Variants in SLC25A16 observed in about 807,000 individuals in gnomAD.
The protein encoded by SLC25A16 is mitochondrial coenzyme A transporter SLC25A16.
In SLC25A16, 39 loss-of-function variants were observed where a neutral mutation model predicts 41.5. The ratio of observed to expected loss-of-function variants is 0.94; its 90% confidence interval spans 0.73 to 1.23. SLC25A16 has a LOEUF of 1.23. SLC25A16 is among the 50% of genes most tolerant of loss of function. The pLI, the probability that SLC25A16 is intolerant of heterozygous loss-of-function variation, is 0.00. For missense variants in SLC25A16, 421 were observed against 426.9 expected, an observed-to-expected ratio of 0.99 and a Z score of 0.12; for synonymous variants, 146 against 147.8, an observed-to-expected ratio of 0.99 and a Z score of 0.09.
At chr10:68,494,852 C>A (rs1338801083) in intron 4 of SLC25A16, among the ~76,000 whole-genome samples, 12 of 149,648 alleles carry the variant, frequency 8.0e-5, no homozygotes, top group Non-Finnish European at 1.2e-4. Context: ...GCACTCCAGC[C>A]CGGGCGACAA....
intron 2 of SLC25A16, among the ~76,000 whole-genome samples, chr10:68,509,764 T>TAGATATAG (rs2053028063): frequency 6.7e-6 from 1 of 148,622 alleles, no homozygotes; most frequent in South Asian, 2.1e-4. Flanking sequence ...GATATATAGA[T>TAGATATAG]ATAGATAGAT....
At chr10:68,511,477 T>A (rs796263390) in intron 2 of SLC25A16, among the ~76,000 whole-genome samples, 3 of 152,202 alleles carry the variant, frequency 2.0e-5, no homozygotes, top group African/African-American at 7.2e-5. Flanking sequence ...ATGTGTAACC[T>A]AATGATTGCA....
intron 8 of SLC25A16, among the ~76,000 whole-genome samples, chr10:68,486,306 G>A (rs2052562700): frequency 6.6e-6 from 1 of 151,456 alleles, no homozygotes; most frequent in Non-Finnish European, 1.5e-5. Flanking sequence ...TGTTGCCTGG[G>A]CTGGTCTTGG....
intron 4 of SLC25A16, among the ~76,000 whole-genome samples, 196 bp downstream of exon 4, chr10:68,503,435 TG>T: frequency 6.6e-6 from 1 of 152,302 alleles, no homozygotes; most frequent in Middle Eastern, 3.4e-3. Flanking sequence ...AAACAACAAA[TG>T]TGTGCTACTA....
chr10:68,514,700 A>G (rs532428473), intron 2 of SLC25A16, among the ~76,000 whole-genome samples: 1 of 152,206 alleles, frequency 6.6e-6, no homozygotes, highest in East Asian at 1.9e-4. Context: ...TGAAGTGTCC[A>G]TGTTAATCAA....
chr10:68,485,798 A>AT (rs574917604), intron 8 of SLC25A16, among the ~76,000 whole-genome samples: 3,585 of 123,218 alleles, frequency 0.029, 133 homozygotes, highest in African/African-American at 0.078. Context: ...CCTAAGCAAT[A>AT]TTTTTTTTTT....
At position 68,488,561 on chromosome 10, in the gene SLC25A16, T is replaced by C. The variant is rs758608501; in HGVS notation, c.679A>G (p.Arg227Gly). 6 of 1,603,804 alleles carry C rather than the reference T, an allele frequency of 3.7e-6. No homozygotes were observed. In the East Asian group the frequency reaches 1.3e-4, roughly 36 times the overall value. The change falls in exon 7 of 9, where the codon AGA (arginine) becomes GGA (glycine). Residue 227 changes from arginine to glycine, a missense_variant. By Grantham distance (125) the Arg-to-Gly change is moderately radical. Transcript: ENST00000609923. The stretch of plus-strand genomic sequence containing the variant: ...ACATTAGGATTGTCTGATGAAGGTC[T>C]GCCAAGAAGGGTAGGAGCATGGGAA... ...GLSHAPTLLG[R>G]PSSDNPNVLV...
At chr10:68,488,763 C>T (rs2052607518) in intron 6 of SLC25A16, 134 bp from the exon 7 acceptor site, 1 of 716,540 alleles carries the variant, frequency 1.4e-6, no homozygotes, top group African/African-American at 1.8e-5. Flanking sequence ...GATTTGTGTA[C>T]ATAAATAACC....
intron 1 of SLC25A16, among the ~76,000 whole-genome samples, chr10:68,523,756 T>C (rs922191722): frequency 6.6e-6 from 1 of 152,092 alleles, no homozygotes; most frequent in African/African-American, 2.4e-5. Flanking sequence ...ATTACAGGTG[T>C]GAGACACCTC....
intron 4 of SLC25A16, chr10:68,500,015 G>C: frequency 2.7e-6 from 1 of 371,894 alleles, no homozygotes; most frequent in South Asian, 3.1e-5. Flanking sequence ...ATAAAAAAAA[G>C]AAAATACAAA....
rs2052495241 is a variant in SLC25A16 at position 68,482,482 on chromosome 10, A to G, written c.*950T>C. 6.6e-6 allele frequency: 1 copy of G among 152,580 alleles called. No homozygotes were observed. Among genetic ancestry groups the G allele is most frequent in the Non-Finnish European group, 1.5e-5 (1 of 68,030 alleles). The allele number at this position is 152,580 out of a possible 1,614,324, so 9.5% of individuals were successfully genotyped here. On this transcript the variant is annotated 3_prime_UTR_variant, in exon 9 of 9. Coordinates refer to ENST00000609923, the MANE Select transcript of SLC25A16 (RefSeq NM_152707.4). ...GTTGATGCATCATAATACCTTAGAA[A>G]CATTTTTTGATATTCACATCTATAT... is the stretch of plus-strand genomic sequence containing the variant.
intron 4 of SLC25A16, among the ~76,000 whole-genome samples, chr10:68,497,308 T>C (rs1213177188): frequency 6.6e-6 from 1 of 152,182 alleles, no homozygotes; most frequent in Non-Finnish European, 1.5e-5. Context: ...GCGTCATAGA[T>C]ACAAAAACTA....
intron 4 of SLC25A16, among the ~76,000 whole-genome samples, chr10:68,495,308 C>T (rs1032533833): frequency 8.6e-5 from 13 of 151,902 alleles, no homozygotes; most frequent in Admixed American, 6.6e-4. Flanking sequence ...CTACTCTACT[C>T]GGGAGGCTGA....
chr10:68,500,121 TA>T (rs1428689365), intron 4 of SLC25A16, among the ~76,000 whole-genome samples: 1 of 152,212 alleles, frequency 6.6e-6, no homozygotes, highest in East Asian at 1.9e-4. Context: ...GAAAAGTTTT[TA>T]AAAAGCTTTA....
chr10:68,513,625 C>A (rs1015582835), intron 2 of SLC25A16, among the ~76,000 whole-genome samples: 6 of 152,142 alleles, frequency 3.9e-5, no homozygotes, highest in Non-Finnish European at 8.8e-5. Context: ...CGTGGTGGCT[C>A]ATGCCTGTAA....
rs1375911603 is a variant in SLC25A16 at position 68,480,289 on chromosome 10, A to G, written c.*3143T>C. ...TCTGAAATAAATCAGATATAAACAC[A>G]GTCATTATTTTAAATATTCTTCCAT... On this transcript the variant is annotated 3_prime_UTR_variant, in exon 9 of 9. Transcript: ENST00000609923. 4 of 152,182 alleles carry G rather than the reference A, an allele frequency of 2.6e-5. No homozygotes were observed. In the East Asian group the frequency reaches 5.8e-4, roughly 22 times the overall value. The allele number at this position is 152,182 out of a possible 1,614,324, so 9.4% of individuals were successfully genotyped here.
rs1301376313 is a variant in SLC25A16 at position 68,478,180 on chromosome 10, A to T, written c.*5252T>A. ...TTACATGAACCTGGCCAAGTAATTT[A>T]ATCTCCCTAGGCCTCGATTATTCCC... On this transcript the variant is annotated 3_prime_UTR_variant, in exon 9 of 9. Transcript: ENST00000609923. 1 of 152,206 alleles carries T rather than the reference A, an allele frequency of 6.6e-6. No individual in the cohort carries two copies. The highest frequency in any genetic ancestry group is 1.5e-5 in the Non-Finnish European group (1 of 68,038). The allele number at this position is 152,206 out of a possible 1,614,324, so 9.4% of individuals were successfully genotyped here.
At chr10:68,493,600 A>C (rs767401184) in intron 4 of SLC25A16, 30 bp from the exon 5 acceptor site, 3 of 1,580,006 alleles carry the variant, frequency 1.9e-6, no homozygotes, top group South Asian at 1.1e-5. Context: ...TTAGAGGTAC[A>C]ATGAATTTTT....
intron 1 of SLC25A16, among the ~76,000 whole-genome samples, chr10:68,523,874 A>T (rs996468806): frequency 6.6e-6 from 1 of 151,998 alleles, no homozygotes; most frequent in South Asian, 2.1e-4. Flanking sequence ...AGAGGTGAGC[A>T]GATTGCTTGA....
Sources: gnomAD v4.1 joint callset for allele counts (sites outside exome capture counted in the v4.1 genomes callset) on GRCh38, gnomAD v4.1.1 for gene constraint, MANE v1.5 for transcripts, NCBI Gene and HGNC (gene_info 2026-07-23, HGNC 2026-07-21) for gene names.